The following ZNF121 variants were observed in gnomAD, a reference collection of about 807,000 sequenced individuals.
ZNF121 encodes zinc finger protein 121.
In ZNF121, 1 loss-of-function variant was observed where a neutral mutation model predicts 2.4. The observed-to-expected ratio is 0.41, with a 90% CI of 0.15 to 1.94. ZNF121 has a LOEUF of 1.94. ZNF121 is among the 30% of genes most tolerant of loss of function. The pLI is 0.30. For missense variants in ZNF121, 369 were observed against 466.3 expected, an observed-to-expected ratio of 0.79 and a Z score of 1.92; for synonymous variants, 173 against 158.6, an observed-to-expected ratio of 1.09 and a Z score of -0.68.
chr19:9,579,519 T>C (rs1233561018), intron 1 of ZNF121, among the ~76,000 whole-genome samples: 1 of 152,190 alleles, frequency 6.6e-6, no homozygotes, highest in Non-Finnish European at 1.5e-5. Flanking sequence ...ACTCCATCTC[T>C]ACTGAAAATA....
At chr19:9,570,114 G>A (rs921109038) in intron 1 of ZNF121, among the ~76,000 whole-genome samples, 1 of 151,954 alleles carries the variant, frequency 6.6e-6, no homozygotes, top group African/African-American at 2.4e-5. Context: ...GCTGAGGCAG[G>A]AGAATCGCTT....
intron 1 of ZNF121, among the ~76,000 whole-genome samples, chr19:9,572,131 C>A (rs1415823276): frequency 6.6e-6 from 1 of 152,104 alleles, no homozygotes; most frequent in Non-Finnish European, 1.5e-5. Flanking sequence ...AGTACAGAAG[C>A]AAGCTGGTTT....
chr19:9,565,989 T>C lies in ZNF121; in HGVS notation c.1124A>G (p.Lys375Arg), dbSNP rs768015434. The C allele has an allele frequency of 8.1e-6, 13 of 1,599,488 alleles. No homozygotes were observed. The South Asian group carries it at 1.4e-4, about 17-fold the overall frequency. Residue 375 changes from lysine (K) to arginine (R), a missense_variant, in exon 4 of 4, where the codon AAA becomes AGA. Coordinates refer to ENST00000320451, the MANE Select transcript of ZNF121 (RefSeq NM_001008727.5). ...AAGTAAATAAAATCTATTGTAGGCTTTCCCACATTCGTTACATATATAGGG... is the reference window on the plus strand; with the variant it reads ...AAGTAAATAAAATCTATTGTAGGCTCTCCCACATTCGTTACATATATAGGG... Reference protein sequence around the residue: ...EKPYICNECGKAYNRFYLLTK... With the variant: ...EKPYICNECGRAYNRFYLLTK...
At chr19:9,580,208 C>T (rs533584334) in intron 1 of ZNF121, among the ~76,000 whole-genome samples, 21 of 151,856 alleles carry the variant, frequency 1.4e-4, no homozygotes, top group African/African-American at 5.1e-4. Flanking sequence ...AGGAGAATGG[C>T]GTGAACTCGG....
In ZNF121 at chr19:9,567,036, A is replaced by G; in HGVS notation, c.77T>C (p.Leu26Pro). 6.2e-7 allele frequency: 1 copy of G among 1,614,122 alleles called. No homozygotes were observed. Among genetic ancestry groups the G allele is most frequent in the Non-Finnish European group, 8.5e-7 (1 of 1,180,022 alleles). The change falls in exon 4 of 4, where the codon CTT becomes CCT. Residue 26 changes from leucine (L) to proline (P), a missense_variant. Leu to Pro is a moderately conservative substitution (Grantham distance 98). Around this residue, in one of 4 missense-constraint regions of ZNF121, gnomAD observed 168 missense variants for 162.3 expected, o/e 1.03. Transcript: ENST00000320451. ...NGEIFSEHSC[L>P]NAHMGTENTG... ...ATTTTCAGTTCCCATGTGTGCATTA[A>G]GGCATGAGTGTTCACTGAAGATTTC...
intron 1 of ZNF121, among the ~76,000 whole-genome samples, chr19:9,575,171 A>C (rs982171441): frequency 1.3e-5 from 2 of 152,176 alleles, no homozygotes; most frequent in East Asian, 1.9e-4. Context: ...TGAAATCACA[A>C]CACTTTGGGA....
At chr19:9,572,289 TC>T (rs1481301963) in intron 1 of ZNF121, among the ~76,000 whole-genome samples, 1 of 152,172 alleles carries the variant, frequency 6.6e-6, no homozygotes, top group Non-Finnish European at 1.5e-5. Context: ...GAATCAAGTT[TC>T]CAAGAATGTG....
At position 9,562,886 on chromosome 19, in the gene ZNF121, TAAAAAAAAAAAAAAA is replaced by T. The variant is rs56681222; in HGVS notation, c.*3039_*3053del. ...GGTAAACAGTAAAGTCCTGCCTCTTTAAAAAAAAAAAAAAAAAAAAAAAAAAATTAGCTGGCCATG... is the reference window on the plus strand; with the variant it reads ...GGTAAACAGTAAAGTCCTGCCTCTTTAAAAAAAAAAAATTAGCTGGCCATG... On this transcript the variant is annotated 3_prime_UTR_variant, in exon 4 of 4. Coordinates refer to ENST00000320451, the MANE Select transcript of ZNF121 (RefSeq NM_001008727.5). 6 of 97,402 alleles carry T rather than the reference TAAAAAAAAAAAAAAA, an allele frequency of 6.2e-5. No homozygotes were observed. Among genetic ancestry groups the T allele is most frequent in the African/African-American group, 7.8e-5 (2 of 25,656 alleles). The allele number at this position is 97,402 out of a possible 1,614,324, so 6.0% of individuals were successfully genotyped here. A position where few individuals can be genotyped will look rare whatever the true frequency, so the allele number is the denominator to read the frequency against.
chr19:9,567,992 G>T (rs759041254), intron 3 of ZNF121, 103 bp downstream of exon 3: 1 of 1,269,664 alleles, frequency 7.9e-7, no homozygotes, highest in Non-Finnish European at 1.1e-6. Flanking sequence ...CCTCCTGCTT[G>T]AGTAAATGTT....
chr19:9,568,704 T>C (rs1228267587), intron 2 of ZNF121, among the ~76,000 whole-genome samples: 1 of 152,028 alleles, frequency 6.6e-6, no homozygotes, highest in Non-Finnish European at 1.5e-5. Context: ...ATTTATTCTA[T>C]AGAAATTAAA....
chr19:9,571,604 A>C lies in ZNF121; in HGVS notation c.-159-2522T>G, dbSNP rs142503111. Among the ~76,000 whole-genome samples the C allele has an allele frequency of 2.4e-3, 372 of 152,316 alleles. 6 individuals carry two copies. The highest frequency in any genetic ancestry group is 0.018 in the Admixed American group (283 of 15,300). Reference sequence around the variant, plus strand: ...CTGGCAGGACCAACAATGTATCTTCATAACATTGCCCCTAGAATGTGTCAG... The same window carrying C: ...CTGGCAGGACCAACAATGTATCTTCCTAACATTGCCCCTAGAATGTGTCAG... On this transcript the variant is annotated intron_variant, in intron 1 of 3. Coordinates refer to ENST00000320451, the MANE Select transcript of ZNF121 (RefSeq NM_001008727.5).
intron 1 of ZNF121, among the ~76,000 whole-genome samples, chr19:9,571,880 C>T (rs528333002): frequency 9.9e-5 from 15 of 152,244 alleles, no homozygotes; most frequent in South Asian, 2.1e-4. Context: ...CTCAGCCTCC[C>T]GAGTATGTGG....
At chr19:9,573,296 T>C (rs1002474169) in intron 1 of ZNF121, among the ~76,000 whole-genome samples, 3 of 152,126 alleles carry the variant, frequency 2.0e-5, no homozygotes, top group African/African-American at 7.2e-5. Flanking sequence ...CTCAGAAATG[T>C]ATCAGAAAAA....
intron 1 of ZNF121, among the ~76,000 whole-genome samples, chr19:9,573,813 G>A (rs2074190703): frequency 6.6e-6 from 1 of 152,082 alleles, no homozygotes; most frequent in Admixed American, 6.6e-5. Flanking sequence ...TTTCTCAAGG[G>A]AAACCACACA....
intron 1 of ZNF121, among the ~76,000 whole-genome samples, chr19:9,577,815 G>A (rs1321156147): frequency 2.0e-5 from 3 of 151,904 alleles, no homozygotes; most frequent in Non-Finnish European, 2.9e-5. Context: ...TTGGGAGGCC[G>A]AGGCAGGTGG....
At chr19:9,580,077 C>G (rs7245627) in intron 1 of ZNF121, among the ~76,000 whole-genome samples, 26,140 of 151,730 alleles carry the variant, frequency 0.17, 3,530 homozygotes, top group African/African-American at 0.38. Flanking sequence ...CGGATCACGA[C>G]GTCAGGAGAT....
chr19:9,566,998 A>C lies in ZNF121; in HGVS notation c.115T>G (p.Tyr39Asp), dbSNP rs2074138486. 1.2e-6 allele frequency: 2 copies of C among 1,614,158 alleles called. No homozygotes were observed. Residue 39 changes from tyrosine (Y) to aspartate (D), a missense_variant, in exon 4 of 4, where the codon TAT (tyrosine) becomes GAT (aspartate). This residue lies in a region of ZNF121 where 168 missense variants were observed against 162.3 expected (regional missense o/e 1.03). Coordinates refer to ENST00000320451, the MANE Select transcript of ZNF121 (RefSeq NM_001008727.5). ...TTTTCTCCATACTCATCACAGTCAT[A>C]AGTGTCCCCTGTATTTTCAGTTCCC... is the stretch of plus-strand genomic sequence containing the variant. Reference protein sequence around the residue: ...HMGTENTGDTYDCDEYGENFP... With the variant: ...HMGTENTGDTDDCDEYGENFP...
chr19:9,579,540 C>T (rs2074234444), intron 1 of ZNF121, among the ~76,000 whole-genome samples: 1 of 152,150 alleles, frequency 6.6e-6, no homozygotes, highest in Non-Finnish European at 1.5e-5. Flanking sequence ...CAAAAATTAG[C>T]TGGGAATTGT....
At chr19:9,582,748 CAA>C (rs78215890) in intron 1 of ZNF121, among the ~76,000 whole-genome samples, 9 of 52,552 alleles carry the variant, frequency 1.7e-4, no homozygotes, top group Admixed American at 4.1e-4. Flanking sequence ...GACTCTGTCT[CAA>C]AAAAAAAAAA....
Sources: gnomAD v4.1 joint callset for allele counts (sites outside exome capture counted in the v4.1 genomes callset) on GRCh38, gnomAD v4.1.1 for gene constraint, gnomAD v4.1.1 regional missense constraint, MANE v1.5 for transcripts, NCBI Gene and HGNC (gene_info 2026-07-23, HGNC 2026-07-21) for gene names.